Variants in SIPA1L1 observed in about 807,000 individuals in gnomAD.
SIPA1L1 encodes the protein signal induced proliferation associated 1 like 1.
Under a neutral mutation model 162.7 loss-of-function variants are expected in SIPA1L1, and 26 were observed. The ratio of observed to expected loss-of-function variants is 0.16; its 90% CI spans 0.12 to 0.22. The LOEUF (loss-of-function observed/expected upper bound fraction) is 0.22. SIPA1L1 is among the 10% of genes least tolerant of loss of function. SIPA1L1 has a pLI of 1.00. For missense variants in SIPA1L1, 1,874 were observed against 2,241.0 expected, an observed-to-expected ratio of 0.84 and a Z score of 3.31; for synonymous variants, 829 against 837.4, an observed-to-expected ratio of 0.99 and a Z score of 0.17.
chr14:71,374,094 A>G (rs973266469), intron 2 of SIPA1L1, among the ~76,000 whole-genome samples: 1 of 152,158 alleles, frequency 6.6e-6, no homozygotes. Context: ...CAGCCAAAGA[A>G]CTGAAATAGA....
At chr14:71,446,938 C>T (rs999404170) in intron 2 of SIPA1L1, among the ~76,000 whole-genome samples, 52 of 64,200 alleles carry the variant, frequency 8.1e-4, no homozygotes, top group African/African-American at 3.1e-3. Context: ...TTGAGACAGG[C>T]CCTTGCTTTG....
intron 2 of SIPA1L1, among the ~76,000 whole-genome samples, chr14:71,380,349 T>C (rs553662800): frequency 3.9e-5 from 6 of 152,348 alleles, no homozygotes; most frequent in South Asian, 2.1e-4. Context: ...ATCTCATAAC[T>C]TCTTCATATC....
At chr14:71,534,194 T>A (rs191921372) in intron 4 of SIPA1L1, among the ~76,000 whole-genome samples, 22 of 152,340 alleles carry the variant, frequency 1.4e-4, no homozygotes, top group Admixed American at 1.2e-3. Context: ...ATTTTGGCAA[T>A]TGTAAGCCAA....
At chr14:71,637,521 GA>G (rs1474827346) in intron 7 of SIPA1L1, among the ~76,000 whole-genome samples, 1 of 152,080 alleles carries the variant, frequency 6.6e-6, no homozygotes, top group Non-Finnish European at 1.5e-5. Context: ...TTTGAGGCCA[GA>G]AGGTCAGCAT....
At chr14:71,454,055 A>G (rs2046017303) in intron 2 of SIPA1L1, among the ~76,000 whole-genome samples, 2 of 151,124 alleles carry the variant, frequency 1.3e-5, no homozygotes, top group South Asian at 2.1e-4. Flanking sequence ...AAGAGAGTTC[A>G]TAGATCATCA....
intron 20 of SIPA1L1, among the ~76,000 whole-genome samples, chr14:71,731,276 C>T (rs188722820): frequency 7.9e-5 from 12 of 152,278 alleles, no homozygotes; most frequent in East Asian, 1.9e-4. Flanking sequence ...TGTTCAGCAG[C>T]GCAGTCCCAC....
chr14:71,557,347 A>G (rs1223103969), intron 4 of SIPA1L1, among the ~76,000 whole-genome samples: 1 of 152,138 alleles, frequency 6.6e-6, no homozygotes, highest in Non-Finnish European at 1.5e-5. Context: ...TCCCCATTAG[A>G]TATCACATTT....
At chr14:71,422,897 G>T (rs905895109) in intron 2 of SIPA1L1, among the ~76,000 whole-genome samples, 3 of 152,140 alleles carry the variant, frequency 2.0e-5, no homozygotes, top group African/African-American at 7.2e-5. Flanking sequence ...TTGATGAACT[G>T]CCATAATCTT....
intron 20 of SIPA1L1, among the ~76,000 whole-genome samples, chr14:71,732,402 C>T (rs2084878471): frequency 6.6e-6 from 1 of 152,098 alleles, no homozygotes; most frequent in South Asian, 2.1e-4. Context: ...TCTGCCCTGG[C>T]TTCCACCCAG....
At chr14:71,423,939 G>T (rs2043373990) in intron 2 of SIPA1L1, among the ~76,000 whole-genome samples, 1 of 152,068 alleles carries the variant, frequency 6.6e-6, no homozygotes, top group South Asian at 2.1e-4. Context: ...CCTTGAACAT[G>T]GAAAGTGCTT....
chr14:71,736,081 T>A (rs1566767244), intron 22 of SIPA1L1, among the ~76,000 whole-genome samples: 2 of 152,334 alleles, frequency 1.3e-5, no homozygotes, highest in East Asian at 3.9e-4. Context: ...ATAATTTCAT[T>A]CATTTGAAAT....
In SIPA1L1 at chr14:71,650,476, T is replaced by G; in HGVS notation, c.1960T>G (p.Phe654Val). Reference sequence around the variant, plus strand: ...GGGAGAGCGAGTTCGGCTCAAAGGATTTGAGAAGTATCGAGCACAGCTTGA... The same window carrying G: ...GGGAGAGCGAGTTCGGCTCAAAGGAGTTGAGAAGTATCGAGCACAGCTTGA... The part of the protein sequence containing the change: ...LLGERVRLKG[F>V]EKYRAQLDTK... Residue 654 changes from phenylalanine to valine, a missense_variant, in exon 8 of 24, where the codon TTT becomes GTT. Physicochemically the swap from Phe to Val is conservative, Grantham distance 50. Coordinates refer to ENST00000381232, the MANE Select transcript of SIPA1L1 (RefSeq NM_001386936.1). 1 of 1,614,150 alleles carries G rather than the reference T, an allele frequency of 6.2e-7. No homozygotes were observed. Among genetic ancestry groups the G allele is most frequent in the Non-Finnish European group, 8.5e-7 (1 of 1,180,004 alleles).
intron 2 of SIPA1L1, among the ~76,000 whole-genome samples, chr14:71,436,658 C>G (rs1472825597): frequency 1.3e-5 from 2 of 151,736 alleles, no homozygotes; most frequent in Non-Finnish European, 2.9e-5. Context: ...TTTATACTAT[C>G]TGGCAAATAT....
chr14:71,487,190 T>G (rs572733344), intron 2 of SIPA1L1, among the ~76,000 whole-genome samples: 2 of 152,336 alleles, frequency 1.3e-5, no homozygotes, highest in South Asian at 4.1e-4. Context: ...TGCTCAGCCT[T>G]CTTTTCACAT....
chr14:71,399,406 T>C (rs973429459), intron 2 of SIPA1L1, among the ~76,000 whole-genome samples: 1 of 152,222 alleles, frequency 6.6e-6, no homozygotes, highest in African/African-American at 2.4e-5. Context: ...TGCACTTTTG[T>C]TGCTGCTGTT....
chr14:71,577,431 C>G (rs1307181699), intron 4 of SIPA1L1, among the ~76,000 whole-genome samples: 1 of 148,914 alleles, frequency 6.7e-6, no homozygotes, highest in African/African-American at 2.5e-5. Flanking sequence ...GGCTGGAGTT[C>G]AGTGGTGCAA....
chr14:71,499,124 C>T (rs2050006983), intron 2 of SIPA1L1, among the ~76,000 whole-genome samples: 1 of 152,180 alleles, frequency 6.6e-6, no homozygotes. Flanking sequence ...TTCCCACATT[C>T]ATCAAGTCAT....
chr14:71,382,655 G>C (rs185812471), intron 2 of SIPA1L1, among the ~76,000 whole-genome samples: 1 of 151,978 alleles, frequency 6.6e-6, no homozygotes, highest in African/African-American at 2.4e-5. Flanking sequence ...CCTCGGTAAG[G>C]GTTTTTTTTT....
chr14:71,609,447 T>G (rs1243538805), intron 5 of SIPA1L1, among the ~76,000 whole-genome samples: 1 of 127,786 alleles, frequency 7.8e-6, no homozygotes, highest in African/African-American at 3.5e-5. Flanking sequence ...ATTTTATTTA[T>G]TTATTTATTT....
Sources: gnomAD v4.1 joint callset for allele counts (sites outside exome capture counted in the v4.1 genomes callset) on GRCh38, gnomAD v4.1.1 for gene constraint, MANE v1.5 for transcripts, NCBI Gene and HGNC (gene_info 2026-07-23, HGNC 2026-07-21) for gene names.